MICALL2: variants seen among roughly 807,000 people sequenced by gnomAD.
The protein encoded by MICALL2 is MICAL-like protein 2.
Under a neutral mutation model 91.1 loss-of-function variants are expected in MICALL2, and 111 were observed. The ratio of observed to expected loss-of-function variants is 1.22; its 90% CI spans 1.04 to 1.43. The LOEUF (loss-of-function observed/expected upper bound fraction) is 1.43, where lower values mean the gene tolerates loss of function less well. Ranked by LOEUF, MICALL2 falls within the 40% of genes most tolerant of loss-of-function variation. MICALL2 has a pLI of 0.00. For missense variants in MICALL2, 1,556 were observed against 1,236.0 expected (o/e 1.26, Z -3.88); for synonymous variants, 694 against 525.3 (o/e 1.32, Z -4.39).
chr7:1,436,997 A>G lies in MICALL2; in HGVS notation c.2477-141T>C, dbSNP rs548658804. The G allele has an allele frequency of 6.1e-5, 35 of 569,640 alleles. 1 individual carries two copies. The South Asian group carries it at 8.6e-4, about 14-fold the overall frequency. 35.3% of individuals were successfully genotyped at this position (569,640 alleles called of 1,614,324 possible). On this transcript the variant is annotated intron_variant, in intron 14 of 16. Coordinates refer to ENST00000297508, the MANE Select transcript of MICALL2 (RefSeq NM_182924.4). ...CTTGGGGGGATCCGGAGCAGAATGAATGAGTGAATAAGTGAATGAAGGAAG... is the reference window on the plus strand; with the variant it reads ...CTTGGGGGGATCCGGAGCAGAATGAGTGAGTGAATAAGTGAATGAAGGAAG...
In MICALL2 at chr7:1,452,984, G is replaced by A. The variant is rs987875006; in HGVS notation, c.144-2696C>T. The stretch of plus-strand genomic sequence containing the variant: ...TTCCCACACTCCGCCCGATGCACCC[G>A]CCAGGCCCTCCCCAGATGCACCTTG... On this transcript the variant is annotated intron_variant, in intron 1 of 16. Transcript: ENST00000297508. The surrounding 1 kb of genome is among the most constrained non-coding windows in gnomAD (Gnocchi z 6.2). Among the ~76,000 whole-genome samples the A allele has an allele frequency of 1.3e-5, 2 of 151,654 alleles. No homozygotes were observed. The highest frequency in any genetic ancestry group is 6.6e-5 in the Admixed American group (1 of 15,250).
chr7:1,442,337 C>G lies in MICALL2; in HGVS notation c.1566G>C (p.Thr522=). The G allele has an allele frequency of 6.2e-7, 1 of 1,613,114 alleles. No homozygotes were observed. Among genetic ancestry groups the G allele is most frequent in the Non-Finnish European group, 8.5e-7 (1 of 1,179,838 alleles). ...ACGCGGATGCCTGAGAGGTACTGCT[C>G]GTGCTCAGCGGGGCTGGCGGTTCCA... ...SRMEPPAPLS[T]SSTSQASALP... The change falls in exon 7 of 17, where the codon ACG becomes ACC. Residue 522 remains threonine (T), a synonymous_variant. Coordinates refer to ENST00000297508, the MANE Select transcript of MICALL2 (RefSeq NM_182924.4).
chr7:1,446,859 G>A, intron 4 of MICALL2, 31 bp from the exon 5 acceptor site: 1 of 1,464,220 alleles, frequency 6.8e-7, no homozygotes. Context: ...TCTCTGAGCA[G>A]CCGTCCACCC....
chr7:1,438,549 C>G (rs1029979559), intron 10 of MICALL2, 196 bp from the exon 11 acceptor site: 1 of 1,429,612 alleles, frequency 7.0e-7, no homozygotes, highest in Non-Finnish European at 9.1e-7. Context: ...CAGCCCCACC[C>G]TGCACCCTGC....
chr7:1,439,722 T>TACATGAAC, intron 9 of MICALL2: 1 of 444,040 alleles, frequency 2.3e-6, no homozygotes, highest in East Asian at 3.6e-5. Flanking sequence ...AGGCATCACA[T>TACATGAAC]ACATGAACAC....
chr7:1,438,476 G>A, intron 10 of MICALL2, 123 bp from the exon 11 acceptor site: 3 of 1,483,462 alleles, frequency 2.0e-6, no homozygotes, highest in Non-Finnish European at 2.7e-6. Flanking sequence ...CCTCCCTAAT[G>A]CCCCACACGC....
intron 1 of MICALL2, 30 bp from the exon 2 acceptor site, chr7:1,450,318 A>G (rs2128524475): frequency 6.2e-7 from 1 of 1,604,698 alleles, no homozygotes. Flanking sequence ...TGTCCAAAGC[A>G]GCTCAGAGTC....
At chr7:1,448,889 G>A (rs1780711778) in intron 2 of MICALL2, 128 bp from the exon 3 acceptor site, 1 of 1,156,296 alleles carries the variant, frequency 8.6e-7, no homozygotes. Flanking sequence ...GGCCGGAGCT[G>A]AGTTCTGCTC....
rs1780776905 is a variant in MICALL2 at position 1,450,254 on chromosome 7, C to T, written c.178G>A (p.Glu60Lys). Residue 60 changes from glutamate to lysine, a missense_variant, in exon 2 of 17, where the codon GAA becomes AAA. Physicochemically the swap from Glu to Lys is moderately conservative, Grantham distance 56. Coordinates refer to ENST00000297508, the MANE Select transcript of MICALL2 (RefSeq NM_182924.4). ...GGGCCACTCACCAGTTTATTGTTTT[C>T]ATAAATATTTTCCTTCTTGAGAGCA... ...FSALKKENIY[E>K]NNKLAFRVAE... 2 of 1,612,772 alleles carry T rather than the reference C, an allele frequency of 1.2e-6. No homozygotes were observed. The highest frequency in any genetic ancestry group is 1.7e-6 in the Non-Finnish European group (2 of 1,179,882).
rs372096109 is a variant in MICALL2, at chr7:1,434,677, G to A, written c.2639-5C>T. On this transcript the variant is annotated splice_region_variant and splice_polypyrimidine_tract_variant and intron_variant, in intron 16 of 16. Transcript: ENST00000297508. ...TGGACTTCTTCCTCTGGAGGCCTAGGGGACAGGTGGACAGTGAGGCCGTGC... is the reference window on the plus strand; with the variant it reads ...TGGACTTCTTCCTCTGGAGGCCTAGAGGACAGGTGGACAGTGAGGCCGTGC... 7.8e-5 allele frequency: 121 copies of A among 1,551,254 alleles called. No homozygotes were observed. Among genetic ancestry groups the A allele is most frequent in the Admixed American group, 1.5e-4 (7 of 46,926 alleles).
chr7:1,438,142 G>A lies in MICALL2; in HGVS notation c.2266C>T (p.Leu756Phe). ...DIERRLDALELRGVELEKRLR... is the reference protein window; with the variant it reads ...DIERRLDALEFRGVELEKRLR... ...CGCTTCTCCAGCTCCACGCCGCGGA[G>A]CTCCAGGGCGTCCAGCCGCCTCTCG... is the stretch of plus-strand genomic sequence containing the variant. Residue 756 changes from leucine (L) to phenylalanine (F), a missense_variant, in exon 12 of 17, where the codon CTC becomes TTC. Physicochemically the swap from Leu to Phe is conservative, Grantham distance 22 (BLOSUM62 0). Transcript: ENST00000297508. 6.4e-7 allele frequency: 1 copy of A among 1,561,800 alleles called. No individual in the cohort carries two copies. Among genetic ancestry groups the A allele is most frequent in the Non-Finnish European group, 8.7e-7 (1 of 1,153,588 alleles).
At position 1,440,032 on chromosome 7, in the gene MICALL2, G is replaced by A. The variant is rs756571274; in HGVS notation, c.1859C>T (p.Ala620Val). 6 of 1,578,190 alleles carry A rather than the reference G, an allele frequency of 3.8e-6. No homozygotes were observed. Among genetic ancestry groups the A allele is most frequent in the Admixed American group, 2.0e-5 (1 of 50,896 alleles). The part of the protein sequence containing the change: ...RALAEPRAGE[A>V]PRKVSGSFAG... ...AAAGCTGCCTGAGACCTTCCTGGGGGCCTCCCCCGCCCTCGGCTCTGCCAG... is the reference window on the plus strand; with the variant it reads ...AAAGCTGCCTGAGACCTTCCTGGGGACCTCCCCCGCCCTCGGCTCTGCCAG... Residue 620 changes from alanine to valine, a missense_variant, in exon 9 of 17, where the codon GCC becomes GTC. Transcript: ENST00000297508.
chr7:1,440,700 G>T lies in MICALL2; in HGVS notation c.1712-16C>A. 1.2e-6 allele frequency: 2 copies of T among 1,605,980 alleles called. No individual in the cohort carries two copies. The highest frequency in any genetic ancestry group is 2.2e-5 in the South Asian group (2 of 90,994). On this transcript the variant is annotated splice_polypyrimidine_tract_variant and intron_variant, in intron 7 of 16. Transcript: ENST00000297508. The stretch of plus-strand genomic sequence containing the variant: ...GTGCTCATGTCTGGGTGGGAGGCAA[G>T]GGGTCTGGGTGTGAGGAAGGAGTGC...
intron 6 of MICALL2, among the ~76,000 whole-genome samples, chr7:1,443,714 G>A (rs1780422358): frequency 6.6e-6 from 1 of 152,212 alleles, no homozygotes; most frequent in South Asian, 2.1e-4. Context: ...AACGCTCAGA[G>A]CCGCTGGGAG....
rs1409963632 is a variant in MICALL2 at position 1,459,176 on chromosome 7, G to A, written c.143+8C>T. 2 of 1,606,758 alleles carry A rather than the reference G, an allele frequency of 1.2e-6. No individual in the cohort carries two copies. Among genetic ancestry groups the A allele is most frequent in the East Asian group, 2.2e-5 (1 of 44,544 alleles). On this transcript the variant is annotated splice_region_variant and intron_variant, in intron 1 of 16. Transcript: ENST00000297508. The stretch of plus-strand genomic sequence containing the variant: ...CAGAAGAATCAAAGGGCGCCAGGCA[G>A]GACTTACATGAGGTCGGGCCGGTGG...
At chr7:1,435,479 C>T (rs113848494) in intron 15 of MICALL2, among the ~76,000 whole-genome samples, 5 of 151,436 alleles carry the variant, frequency 3.3e-5, no homozygotes, top group Admixed American at 1.3e-4. Context: ...CCGACCACAC[C>T]GGTGACCTGG....
chr7:1,447,221 T>C (rs930954143), intron 4 of MICALL2, among the ~76,000 whole-genome samples: 6 of 152,154 alleles, frequency 3.9e-5, no homozygotes, highest in African/African-American at 1.4e-4. Context: ...CCAACTCCGC[T>C]TCTGAGAAGT....
At chr7:1,443,555 GATC>G (rs1356743172) in intron 6 of MICALL2, among the ~76,000 whole-genome samples, 2 of 152,178 alleles carry the variant, frequency 1.3e-5, no homozygotes, top group African/African-American at 2.4e-5. Flanking sequence ...TGGCAGTTAT[GATC>G]ATGTTAAGAT....
At chr7:1,436,969 G>C (rs1779999030) in intron 14 of MICALL2, 113 bp from the exon 15 acceptor site, 2 of 703,022 alleles carry the variant, frequency 2.8e-6, no homozygotes, top group Non-Finnish European at 2.2e-6. Flanking sequence ...AAGAAGGTGG[G>C]GTCTTGGGGG....
Sources: gnomAD v4.1 joint callset for allele counts (sites outside exome capture counted in the v4.1 genomes callset) on GRCh38, gnomAD v4.1.1 for gene constraint, Gnocchi (gnomAD v3.1) non-coding constraint, MANE v1.5 for transcripts, NCBI Gene and HGNC (gene_info 2026-07-23, HGNC 2026-07-21) for gene names.